Variants in CTDSPL observed in about 807,000 individuals in gnomAD.
CTDSPL encodes CTD small phosphatase-like protein.
A neutral mutation model predicts 30.5 loss-of-function variants in CTDSPL; 8 were observed. The ratio of observed to expected loss-of-function variants is 0.26; its 90% CI spans 0.15 to 0.47. The LOEUF is 0.47. CTDSPL is among the 20% of genes least tolerant of loss of function. CTDSPL has a pLI of 0.99. For missense variants in CTDSPL, 248 were observed against 366.1 expected (o/e 0.68, Z 2.63); for synonymous variants, 110 against 137.9 (o/e 0.80, Z 1.42).
intron 3 of CTDSPL, among the ~76,000 whole-genome samples, chr3:37,957,791 C>T (rs1699190846): frequency 6.6e-6 from 1 of 152,214 alleles, no homozygotes; most frequent in Non-Finnish European, 1.5e-5. Context: ...ACCAGCCACC[C>T]CTCAGCCATC....
chr3:37,894,655 TTC>T (rs1205971459), intron 1 of CTDSPL, among the ~76,000 whole-genome samples: 1 of 152,160 alleles, frequency 6.6e-6, no homozygotes, highest in Non-Finnish European at 1.5e-5. Flanking sequence ...TTCTGTCCCA[TTC>T]TCTCTCTCTT....
chr3:37,921,129 T>C (rs1187814204), intron 1 of CTDSPL, among the ~76,000 whole-genome samples: 2 of 152,202 alleles, frequency 1.3e-5, no homozygotes, highest in African/African-American at 2.4e-5. Flanking sequence ...CCTAGTACTT[T>C]CTTATGCATC....
rs2300665 is a variant in CTDSPL, at chr3:37,888,789, A to G, written c.79+26511A>G. Among the ~76,000 whole-genome samples, 985 of 152,284 alleles carry G rather than the reference A, an allele frequency of 6.5e-3. 38 individuals carry two copies. In the East Asian group the frequency reaches 0.11, roughly 18 times the overall value. ...GCCAGAATAGCTTGGTTGTTGCCCA[A>G]CCTTTTTGGATATGATGCTGTAGCT... is the stretch of plus-strand genomic sequence containing the variant. On this transcript the variant is annotated intron_variant, in intron 1 of 7. Coordinates refer to ENST00000273179, the MANE Select transcript of CTDSPL (RefSeq NM_001008392.2).
intron 1 of CTDSPL, among the ~76,000 whole-genome samples, chr3:37,918,739 A>C (rs1170512865): frequency 1.3e-5 from 2 of 152,172 alleles, no homozygotes; most frequent in Non-Finnish European, 2.9e-5. Context: ...CATCTGATAC[A>C]GGCTTAAATA....
At chr3:37,969,720 CTCCCA>C (rs1263719605) in intron 5 of CTDSPL, among the ~76,000 whole-genome samples, 1 of 152,224 alleles carries the variant, frequency 6.6e-6, no homozygotes, top group Non-Finnish European at 1.5e-5. Flanking sequence ...CTACCCCAGC[CTCCCA>C]GCTCCTCAGA....
At chr3:37,968,642 T>C (rs1406655644) in intron 5 of CTDSPL, among the ~76,000 whole-genome samples, 3 of 152,184 alleles carry the variant, frequency 2.0e-5, no homozygotes, top group African/African-American at 7.2e-5. Context: ...TGGCCTGATA[T>C]CCCAGGAAGG....
At chr3:37,954,679 C>A (rs1401913141) in intron 2 of CTDSPL, 1 of 152,316 alleles carries the variant, frequency 6.6e-6, no homozygotes, top group Non-Finnish European at 1.5e-5. Context: ...GGATTTGGAG[C>A]CTTTGAGTTT....
chr3:37,936,127 A>C (rs1462029579), intron 1 of CTDSPL, among the ~76,000 whole-genome samples: 2 of 152,196 alleles, frequency 1.3e-5, no homozygotes, highest in African/African-American at 4.8e-5. Flanking sequence ...CCTCCTGACC[A>C]TTGTTAAGCC....
At chr3:37,887,768 T>G (rs188741444) in intron 1 of CTDSPL, among the ~76,000 whole-genome samples, 147 of 152,288 alleles carry the variant, frequency 9.7e-4, no homozygotes, top group African/African-American at 3.5e-3. Context: ...CAGTTATCAG[T>G]CTAAAAGTTA....
intron 1 of CTDSPL, among the ~76,000 whole-genome samples, chr3:37,869,341 T>C (rs1188938606): frequency 6.6e-6 from 1 of 152,146 alleles, no homozygotes; most frequent in Non-Finnish European, 1.5e-5. Flanking sequence ...CCCATAGTTA[T>C]CCTACAATGC....
rs1011567603 is a variant in CTDSPL, at chr3:37,925,677, C to T, written c.80-21380C>T. Among the ~76,000 whole-genome samples the T allele has an allele frequency of 3.9e-5, 6 of 152,252 alleles. No individual in the cohort carries two copies. In the South Asian group the frequency reaches 6.2e-4, roughly 16 times the overall value. ...ACAAAGGGGCTCACAAAGTATATAC[C>T]CAAACCTGGGAACAGAGCAGATAAG... On this transcript the variant is annotated intron_variant, in intron 1 of 7. Transcript: ENST00000273179.
chr3:37,921,562 G>A (rs1698715302), intron 1 of CTDSPL, among the ~76,000 whole-genome samples: 1 of 151,352 alleles, frequency 6.6e-6, no homozygotes, highest in East Asian at 1.9e-4. Flanking sequence ...CCAGTACCTA[G>A]TTCAGCACCT....
intron 7 of CTDSPL, among the ~76,000 whole-genome samples, chr3:37,979,918 G>C (rs1366464009): frequency 2.0e-5 from 3 of 152,064 alleles, no homozygotes; most frequent in African/African-American, 7.2e-5. Context: ...TATAAATAAA[G>C]ACAGAGAAGT....
At chr3:37,949,206 T>G (rs1261419871) in intron 2 of CTDSPL, among the ~76,000 whole-genome samples, 1 of 152,214 alleles carries the variant, frequency 6.6e-6, no homozygotes, top group Non-Finnish European at 1.5e-5. Context: ...ATAGAGAATG[T>G]AAATAAGTTG....
chr3:37,949,431 TA>T (rs904074855), intron 2 of CTDSPL, among the ~76,000 whole-genome samples: 15 of 152,156 alleles, frequency 9.9e-5, no homozygotes, highest in African/African-American at 3.6e-4. Flanking sequence ...GGCAGTTGGT[TA>T]AAAAAACTAT....
In CTDSPL at chr3:37,949,288, T is replaced by G. The variant is rs116116198; in HGVS notation, c.234+2077T>G. Among the ~76,000 whole-genome samples, 316 of 152,328 alleles carry G rather than the reference T, an allele frequency of 2.1e-3. 2 individuals are homozygous for G. Among genetic ancestry groups the G allele is most frequent in the African/African-American group, 7.2e-3 (301 of 41,568 alleles). On this transcript the variant is annotated intron_variant, in intron 2 of 7. Transcript: ENST00000273179. ...CAATATCATCTTAAAGCCTTAAAAA[T>G]ATCCCTATTTGTTGATGCAGGCAGT...
intron 1 of CTDSPL, among the ~76,000 whole-genome samples, chr3:37,904,191 T>C (rs983647616): frequency 2.0e-5 from 3 of 152,234 alleles, no homozygotes; most frequent in African/African-American, 7.2e-5. Flanking sequence ...TGAACTTAAT[T>C]ATGTGACATT....
At chr3:37,896,669 G>T (rs538012865) in intron 1 of CTDSPL, among the ~76,000 whole-genome samples, 1 of 152,018 alleles carries the variant, frequency 6.6e-6, no homozygotes, top group Non-Finnish European at 1.5e-5. Context: ...CCCCTGAGTA[G>T]CTGGAACTAC....
At chr3:37,933,908 T>C (rs1013661096) in intron 1 of CTDSPL, among the ~76,000 whole-genome samples, 1 of 152,230 alleles carries the variant, frequency 6.6e-6, no homozygotes, top group Non-Finnish European at 1.5e-5. Flanking sequence ...TTGTTCCTAG[T>C]ATTACTGTTG....
Sources: allele counts gnomAD v4.1 joint callset (sites outside exome capture counted in the v4.1 genomes callset), GRCh38; gene constraint gnomAD v4.1.1; transcripts MANE v1.5; gene names NCBI Gene and HGNC (gene_info 2026-07-23, HGNC 2026-07-21).